The following MTERF3 variants were observed in gnomAD, a reference collection of about 807,000 sequenced individuals.
MTERF3 encodes the protein mitochondrial transcription termination factor 3.
In MTERF3, 40 loss-of-function variants were observed where a neutral mutation model predicts 40.5. That is an observed-to-expected ratio of 0.99 (90% CI 0.77 to 1.29). MTERF3 has a LOEUF of 1.29. Among genes scored for constraint, MTERF3 ranks in the 50% most tolerant of loss-of-function variants. The pLI is 0.00. For synonymous variants in MTERF3, 158 were observed against 166.6 expected (o/e 0.95, Z 0.40); for missense variants, 452 against 478.2 (o/e 0.95, Z 0.51).
intron 7 of MTERF3, among the ~76,000 whole-genome samples, chr8:96,243,070 T>C (rs1215925009): frequency 6.6e-6 from 1 of 152,210 alleles, no homozygotes; most frequent in Non-Finnish European, 1.5e-5. Flanking sequence ...CCTAGTGAAG[T>C]ATAATAGGCA....
In MTERF3 at chr8:96,244,082, TA is replaced by T; in HGVS notation, c.898-3del. On this transcript the variant is annotated splice_polypyrimidine_tract_variant and splice_region_variant and intron_variant, in intron 6 of 7. Transcript: ENST00000287025. Reference sequence around the variant, plus strand: ...AAAACCAAGTTCAAGACGATAAACCTAAAAGAAAGTAAATTTGCTATGAATC... The same window carrying T: ...AAAACCAAGTTCAAGACGATAAACCTAAAGAAAGTAAATTTGCTATGAATC... 2 of 1,604,882 alleles carry T rather than the reference TA, an allele frequency of 1.2e-6. No individual in the cohort carries two copies. The highest frequency in any genetic ancestry group is 1.7e-6 in the Non-Finnish European group (2 of 1,172,714).
intron 1 of MTERF3, among the ~76,000 whole-genome samples, chr8:96,260,916 A>G (rs1194453358): frequency 6.6e-6 from 1 of 152,188 alleles, no homozygotes; most frequent in Non-Finnish European, 1.5e-5. Flanking sequence ...TGGCAAGTAC[A>G]GTTAACTCAC....
At chr8:96,250,726 G>GAC in intron 4 of MTERF3, among the ~76,000 whole-genome samples, 180 bp downstream of exon 4, 1 of 125,100 alleles carries the variant, frequency 8.0e-6, no homozygotes, top group Non-Finnish European at 1.6e-5. Context: ...AAGAAGAATG[G>GAC]GTACTTGAAT....
intron 1 of MTERF3, chr8:96,260,305 G>C (rs1563554306): frequency 6.6e-6 from 1 of 152,162 alleles, no homozygotes. Flanking sequence ...AATGTGCCAA[G>C]TTTTCCCTCA....
rs1311949862 is a variant in MTERF3, at chr8:96,258,405, G to C, written c.286C>G (p.Gln96Glu). The change falls in exon 2 of 8, where the codon CAG (glutamine) becomes GAG (glutamate). Residue 96 changes from glutamine (Q) to glutamate (E), a missense_variant. Coordinates refer to ENST00000287025, the MANE Select transcript of MTERF3 (RefSeq NM_015942.5). ...SLLPSMNEQS[Q>E]KTQNISSFDS... ...AAGCTGGATATATTTTGTGTCTTCT[G>C]TGACTGTTCATTCATGGAAGGAAGC... 1 of 1,614,088 alleles carries C rather than the reference G, an allele frequency of 6.2e-7. No homozygotes were observed. The highest frequency in any genetic ancestry group is 1.7e-5 in the Admixed American group (1 of 60,014).
At chr8:96,250,806 A>G (rs1810167335) in intron 4 of MTERF3, 100 bp downstream of exon 4, 15 of 1,153,758 alleles carry the variant, frequency 1.3e-5, no homozygotes, top group Non-Finnish European at 1.7e-5. Flanking sequence ...ATGTTATCTC[A>G]GTAGACCCTT....
At chr8:96,253,688 G>GT (rs771224330) in intron 3 of MTERF3, among the ~76,000 whole-genome samples, 1 of 152,084 alleles carries the variant, frequency 6.6e-6, no homozygotes, top group Non-Finnish European at 1.5e-5. Flanking sequence ...TTCCAAACCT[G>GT]TAAGTATACT....
chr8:96,241,578 A>T (rs949714190), intron 7 of MTERF3, among the ~76,000 whole-genome samples: 2 of 152,174 alleles, frequency 1.3e-5, no homozygotes, highest in African/African-American at 4.8e-5. Flanking sequence ...TCTCCAGTGG[A>T]CCAAAGTTAC....
In MTERF3 at chr8:96,251,102, T is replaced by C. The variant is rs979359702; in HGVS notation, c.488-7A>G. On this transcript the variant is annotated splice_region_variant and splice_polypyrimidine_tract_variant and intron_variant, in intron 3 of 7. Transcript: ENST00000287025. ...ATCTTGGACAAATCCACGCCTATAATAAATTATAAATACTGTTTGAAGATG... is the reference window on the plus strand; with the variant it reads ...ATCTTGGACAAATCCACGCCTATAACAAATTATAAATACTGTTTGAAGATG... The C allele has an allele frequency of 6.4e-7, 1 of 1,563,832 alleles. No homozygotes were observed. Among genetic ancestry groups the C allele is most frequent in the Non-Finnish European group, 8.6e-7 (1 of 1,165,262 alleles).
At position 96,251,102 on chromosome 8, in the gene MTERF3, T is replaced by A. The variant is rs979359702; in HGVS notation, c.488-7A>T. The A allele has an allele frequency of 1.9e-6, 3 of 1,563,832 alleles. No individual in the cohort carries two copies. The East Asian group carries it at 6.8e-5, about 36-fold the overall frequency. On this transcript the variant is annotated splice_region_variant and splice_polypyrimidine_tract_variant and intron_variant, in intron 3 of 7. Coordinates refer to ENST00000287025, the MANE Select transcript of MTERF3 (RefSeq NM_015942.5). ...ATCTTGGACAAATCCACGCCTATAA[T>A]AAATTATAAATACTGTTTGAAGATG...
At chr8:96,246,477 G>T in intron 4 of MTERF3, 23 bp from the exon 5 acceptor site, 2 of 1,573,674 alleles carry the variant, frequency 1.3e-6, no homozygotes, top group Non-Finnish European at 1.7e-6. Context: ...AAATACATAC[G>T]CATGTGATAA....
intron 1 of MTERF3, among the ~76,000 whole-genome samples, chr8:96,261,252 G>A (rs1810381083): frequency 6.6e-6 from 1 of 152,194 alleles, no homozygotes; most frequent in Non-Finnish European, 1.5e-5. Context: ...GCCCACTTCA[G>A]TTCCCCAAAC....
intron 3 of MTERF3, among the ~76,000 whole-genome samples, chr8:96,251,751 CA>C (rs887805207): frequency 4.7e-5 from 7 of 150,098 alleles, no homozygotes; most frequent in Admixed American, 1.3e-4. Flanking sequence ...ATCACACAGT[CA>C]AAAAAAAATC....
intron 3 of MTERF3, among the ~76,000 whole-genome samples, chr8:96,252,808 A>ATGAG (rs1310300887): frequency 6.6e-6 from 1 of 152,248 alleles, no homozygotes; most frequent in Admixed American, 6.5e-5. Flanking sequence ...TTTGCTCAGC[A>ATGAG]TGAGCTGTCA....
At chr8:96,242,650 G>A (rs1004214933) in intron 7 of MTERF3, among the ~76,000 whole-genome samples, 60 of 152,196 alleles carry the variant, frequency 3.9e-4, no homozygotes, top group Non-Finnish European at 6.6e-4. Context: ...AATAAAGATA[G>A]AGCTGGCACA....
chr8:96,244,222 C>G, intron 6 of MTERF3, 142 bp from the exon 7 acceptor site: 1 of 625,812 alleles, frequency 1.6e-6, no homozygotes, highest in Non-Finnish European at 2.7e-6. Flanking sequence ...TGATCTCCTG[C>G]CTCAGTCTCC....
At chr8:96,260,508 G>A (rs527664997) in intron 1 of MTERF3, among the ~76,000 whole-genome samples, 2 of 152,050 alleles carry the variant, frequency 1.3e-5, no homozygotes, top group Non-Finnish European at 2.9e-5. Context: ...AAAAGGCTAG[G>A]GGTACAATAA....
chr8:96,253,380 G>A (rs142395086), intron 3 of MTERF3, among the ~76,000 whole-genome samples: 5 of 152,230 alleles, frequency 3.3e-5, no homozygotes, highest in South Asian at 4.1e-4. Context: ...GGGAAGGAAC[G>A]GGAAAAATAT....
rs753085465 is a variant in MTERF3 at position 96,250,991 on chromosome 8, C to T, written c.592G>A (p.Val198Met). The T allele has an allele frequency of 5.0e-6, 8 of 1,607,000 alleles. No individual in the cohort carries two copies. Among genetic ancestry groups the T allele is most frequent in the Middle Eastern group, 1.7e-4 (1 of 6,046 alleles). Residue 198 changes from valine to methionine, a missense_variant, in exon 4 of 8, where the codon GTG (valine) becomes ATG (methionine). Coordinates refer to ENST00000287025, the MANE Select transcript of MTERF3 (RefSeq NM_015942.5). ...IKQMLLFLKD[V>M]GIEDNQLGAF... is the part of the protein sequence containing the mutation. ...CCCAGTTGGTTATCCTCTATACCCA[C>T]ATCTTTAAGAAACAGAAGCATTTGC...
Sources: gnomAD v4.1 joint callset for allele counts (sites outside exome capture counted in the v4.1 genomes callset) on GRCh38, gnomAD v4.1.1 for gene constraint, MANE v1.5 for transcripts, NCBI Gene and HGNC (gene_info 2026-07-23, HGNC 2026-07-21) for gene names.